The following ADARB2 variants were observed in gnomAD, a reference collection of about 807,000 sequenced individuals.
ADARB2 encodes the protein adenosine deaminase RNA specific B2 (inactive), also known as inactive double-stranded RNA-specific editase B2.
A neutral mutation model predicts 62.2 loss-of-function variants in ADARB2; 25 were observed. The ratio of observed to expected loss-of-function variants is 0.40; its 90% CI spans 0.29 to 0.56. The LOEUF (loss-of-function observed/expected upper bound fraction) is 0.56. Among genes scored for constraint, ADARB2 ranks in the 20% least tolerant of loss-of-function variants. ADARB2 has a pLI of 0.43. For missense variants in ADARB2, 1,071 were observed against 1,077.4 expected (o/e 0.99, Z 0.08); for synonymous variants, 572 against 500.8 (o/e 1.14, Z -1.90).
At position 1,440,017 on chromosome 10, in the gene ADARB2, G is replaced by A. The variant is rs1830885311; in HGVS notation, c.101-60857C>T. On this transcript the variant is annotated intron_variant, in intron 1 of 9. Transcript: ENST00000381312. ...TGAGTCTCCCCCAGGACTGAGGCAG[G>A]TCCTTCATGATGGGGCTCCTGAGTC... Among the ~76,000 whole-genome samples the A allele has an allele frequency of 2.0e-5, 3 of 149,462 alleles. No individual in the cohort carries two copies. In the South Asian group the frequency reaches 6.4e-4, roughly 32 times the overall value.
chr10:1,273,185 T>C (rs370983389), intron 3 of ADARB2, among the ~76,000 whole-genome samples: 51 of 130,420 alleles, frequency 3.9e-4, no homozygotes, highest in African/African-American at 1.5e-3. Flanking sequence ...TGGACGTGTC[T>C]TTCTGGGGCT....
chr10:1,453,743 C>A (rs560709609), intron 1 of ADARB2, among the ~76,000 whole-genome samples: 1 of 152,056 alleles, frequency 6.6e-6, no homozygotes, highest in Non-Finnish European at 1.5e-5. Context: ...AGTACGCACA[C>A]GGAAAGAAGC....
At chr10:1,649,860 G>A (rs1180147424) in intron 1 of ADARB2, among the ~76,000 whole-genome samples, 2 of 152,224 alleles carry the variant, frequency 1.3e-5, no homozygotes, top group Non-Finnish European at 2.9e-5. Flanking sequence ...TCTTAGATCT[G>A]TGATGCACAG....
At chr10:1,419,694 T>A (rs2805540) in intron 1 of ADARB2, among the ~76,000 whole-genome samples, 7,620 of 152,322 alleles carry the variant, frequency 0.05, 644 homozygotes, top group African/African-American at 0.17. Context: ...TATAACAGAA[T>A]GAATTATATC....
chr10:1,615,100 A>C (rs1254254854), intron 1 of ADARB2, among the ~76,000 whole-genome samples: 1 of 152,134 alleles, frequency 6.6e-6, no homozygotes, highest in Non-Finnish European at 1.5e-5. Flanking sequence ...CTGAGGCCTG[A>C]AGTTTTAAAT....
chr10:1,641,715 T>A (rs563895337), intron 1 of ADARB2, among the ~76,000 whole-genome samples: 4 of 152,312 alleles, frequency 2.6e-5, no homozygotes, highest in South Asian at 2.1e-4. Context: ...AAATCTTTTT[T>A]AAAAAATGTG....
At chr10:1,493,003 A>C (rs966316261) in intron 1 of ADARB2, among the ~76,000 whole-genome samples, 1 of 152,216 alleles carries the variant, frequency 6.6e-6, no homozygotes, top group African/African-American at 2.4e-5. Context: ...TGTGACTTTA[A>C]AACCCTAAAA....
chr10:1,515,739 A>G (rs1327776923), intron 1 of ADARB2, among the ~76,000 whole-genome samples: 1 of 152,170 alleles, frequency 6.6e-6, no homozygotes, highest in Non-Finnish European at 1.5e-5. Flanking sequence ...CAGATCCCAA[A>G]GTGTTTCTTC....
intron 3 of ADARB2, among the ~76,000 whole-genome samples, chr10:1,362,025 A>T (rs1267722557): frequency 6.6e-6 from 1 of 152,264 alleles, no homozygotes; most frequent in South Asian, 2.1e-4. Context: ...CCATTGCAAG[A>T]CTTGGCAGGA....
At chr10:1,507,880 T>C (rs1431312627) in intron 1 of ADARB2, among the ~76,000 whole-genome samples, 1 of 152,152 alleles carries the variant, frequency 6.6e-6, no homozygotes, top group African/African-American at 2.4e-5. Flanking sequence ...CTTCTTGCCG[T>C]CTTCTCCAGG....
intron 3 of ADARB2, among the ~76,000 whole-genome samples, chr10:1,278,871 G>C (rs766514186): frequency 3.3e-5 from 5 of 152,188 alleles, no homozygotes; most frequent in Non-Finnish European, 7.3e-5. Context: ...TGGCTTGGAT[G>C]CGTTTTGCAT....
chr10:1,590,560 T>C (rs1402664680), intron 1 of ADARB2, among the ~76,000 whole-genome samples: 1 of 152,222 alleles, frequency 6.6e-6, no homozygotes, highest in Non-Finnish European at 1.5e-5. Context: ...GTGTCTGTCA[T>C]CGTGGTTCCC....
At chr10:1,529,879 C>T (rs897113198) in intron 1 of ADARB2, among the ~76,000 whole-genome samples, 16 of 152,332 alleles carry the variant, frequency 1.1e-4, no homozygotes, top group Admixed American at 2.6e-4. Flanking sequence ...TGCGGGCACA[C>T]GTCCACTGCC....
rs544580070 is a variant in ADARB2 at position 1,384,140 on chromosome 10, A to G, written c.101-4980T>C. Reference sequence around the variant, plus strand: ...CTCTCTGCAGAAGTAATCACATACGATGTGTTCATAAACAAGTTACTGGGG... The same window carrying G: ...CTCTCTGCAGAAGTAATCACATACGGTGTGTTCATAAACAAGTTACTGGGG... On this transcript the variant is annotated intron_variant, in intron 1 of 9. Transcript: ENST00000381312. 2.0e-5 allele frequency among the ~76,000 whole-genome samples: 3 copies of G among 152,342 alleles called. No homozygotes were observed. In the East Asian group the frequency reaches 5.8e-4, roughly 29 times the overall value.
intron 1 of ADARB2, among the ~76,000 whole-genome samples, chr10:1,657,497 C>G (rs1214312644): frequency 5.3e-5 from 8 of 152,138 alleles, no homozygotes; most frequent in Admixed American, 5.2e-4. Context: ...CTCTCTTGGC[C>G]TCAGACAGAT....
chr10:1,484,809 T>C (rs1164569888), intron 1 of ADARB2, among the ~76,000 whole-genome samples: 1 of 152,142 alleles, frequency 6.6e-6, no homozygotes, highest in Non-Finnish European at 1.5e-5. Flanking sequence ...CATGTAGACA[T>C]CCACCTATGT....
intron 1 of ADARB2, among the ~76,000 whole-genome samples, chr10:1,474,403 G>A (rs76039553): frequency 7.7e-4 from 118 of 152,270 alleles, no homozygotes; most frequent in Middle Eastern, 3.4e-3. Context: ...GGGGCAGCCC[G>A]GTCTACATTG....
intron 5 of ADARB2, among the ~76,000 whole-genome samples, chr10:1,236,255 CT>C: frequency 6.8e-5 from 1 of 14,650 alleles, no homozygotes; most frequent in Non-Finnish European, 1.2e-4. Context: ...GTTTACTCCC[CT>C]CTCCCTCCCG....
chr10:1,314,637 C>T (rs1021244346), intron 3 of ADARB2, among the ~76,000 whole-genome samples: 6 of 152,166 alleles, frequency 3.9e-5, no homozygotes, highest in African/African-American at 1.2e-4. Context: ...GTCTCAAATA[C>T]GGCATGCGAA....
Sources: allele counts gnomAD v4.1 joint callset (sites outside exome capture counted in the v4.1 genomes callset), GRCh38; gene constraint gnomAD v4.1.1; transcripts MANE v1.5; gene names NCBI Gene and HGNC (gene_info 2026-07-23, HGNC 2026-07-21).